BIRC6: variants seen among roughly 807,000 people sequenced by gnomAD.
BIRC6 encodes dual E2 ubiquitin-conjugating enzyme/E3 ubiquitin-protein ligase BIRC6.
BIRC6 carries 98 observed loss-of-function variants against 503.3 expected under a neutral mutation model. The observed-to-expected ratio is 0.19, with a 90% CI of 0.17 to 0.23. The LOEUF (loss-of-function observed/expected upper bound fraction) is 0.23. Ranked by LOEUF, BIRC6 falls within the 10% of genes least tolerant of loss-of-function variation. The pLI, the probability that BIRC6 is intolerant of heterozygous loss-of-function variation, is 1.00. For missense variants in BIRC6, 5,360 were observed against 5,806.0 expected, an observed-to-expected ratio of 0.92 and a Z score of 2.50; for synonymous variants, 2,240 against 2,078.7, an observed-to-expected ratio of 1.08 and a Z score of -2.11.
At chr2:32,435,784 C>T (rs1259995627) in intron 14 of BIRC6, among the ~76,000 whole-genome samples, 199 bp downstream of exon 14, 1 of 152,158 alleles carries the variant, frequency 6.6e-6, no homozygotes. Flanking sequence ...CTAATGCATT[C>T]TTGGTTTTTA....
rs201268777 is a variant in BIRC6, at chr2:32,588,362, TAAATA to T, written c.13356-5550_13356-5546del. On this transcript the variant is annotated intron_variant, in intron 66 of 73. Coordinates refer to ENST00000421745, the MANE Select transcript of BIRC6 (RefSeq NM_016252.4). ...AAGAGTGAAACTCCGTCTCAATAAA[TAAATA>T]AATAAGATTTTTCTGAAATTTTCTT... Among the ~76,000 whole-genome samples the T allele has an allele frequency of 7.5e-3, 1,146 of 152,210 alleles. 13 individuals are homozygous for T. The highest frequency in any genetic ancestry group is 0.011 in the Non-Finnish European group (750 of 68,002).
At chr2:32,593,731 T>G (rs1278019740) in intron 66 of BIRC6, among the ~76,000 whole-genome samples, 184 bp from the exon 67 acceptor site, 1 of 152,190 alleles carries the variant, frequency 6.6e-6, no homozygotes, top group Non-Finnish European at 1.5e-5. Flanking sequence ...TCTTCTCTGA[T>G]TTTATATTAG....
intron 65 of BIRC6, among the ~76,000 whole-genome samples, chr2:32,555,932 AAGGT>A (rs1328667271): frequency 1.3e-5 from 2 of 151,740 alleles, no homozygotes; most frequent in African/African-American, 4.8e-5. Flanking sequence ...AAAAAAAAAA[AAGGT>A]AGAGTAACCT....
chr2:32,568,982 C>CTTTT lies in BIRC6; in HGVS notation c.13145-6173_13145-6172insTTTT, dbSNP rs199909930. On this transcript the variant is annotated intron_variant, in intron 65 of 73. Transcript: ENST00000421745. ...TTTTGGAGGAGTCTCCCATGTCTCT[C>CTTTT]TCTTTTTTTTTTTTTTTTTGAGATG... Among the ~76,000 whole-genome samples the CTTTT allele has an allele frequency of 5.3e-5, 7 of 131,352 alleles. 3 individuals are homozygous for CTTTT. The highest frequency in any genetic ancestry group is 1.4e-4 in the African/African-American group (5 of 35,032). The allele number at this position is 131,352 out of a possible 152,430, so 86.2% of individuals were successfully genotyped here.
At chr2:32,531,050 C>G (rs1010000938) in intron 60 of BIRC6, among the ~76,000 whole-genome samples, 3 of 152,172 alleles carry the variant, frequency 2.0e-5, no homozygotes, top group African/African-American at 7.2e-5. Context: ...CTTCAGTATG[C>G]TTACAAATGA....
chr2:32,444,784 A>G (rs2045781138), intron 20 of BIRC6, among the ~76,000 whole-genome samples: 1 of 152,222 alleles, frequency 6.6e-6, no homozygotes, highest in Admixed American at 6.5e-5. Flanking sequence ...AGAGTTGTTG[A>G]AAAGTTATAT....
chr2:32,463,060 T>G, intron 23 of BIRC6, 134 bp from the exon 24 acceptor site: 1 of 636,316 alleles, frequency 1.6e-6, no homozygotes, highest in Non-Finnish European at 2.6e-6. Flanking sequence ...CTTTCCAGAT[T>G]TCTTTTTTAG....
chr2:32,436,475 C>G (rs12992095), intron 15 of BIRC6, among the ~76,000 whole-genome samples: 1 of 152,030 alleles, frequency 6.6e-6, no homozygotes, highest in Admixed American at 6.6e-5. Context: ...AGTAAGCAGA[C>G]ATAATGTTCT....
intron 8 of BIRC6, 75 bp from the exon 9 acceptor site, chr2:32,406,424 C>G (rs770323509): frequency 2.6e-4 from 306 of 1,160,052 alleles, no homozygotes; most frequent in Admixed American, 4.6e-4. Flanking sequence ...ACCAACTGTT[C>G]TTTTTTCTTT....
intron 9 of BIRC6, among the ~76,000 whole-genome samples, chr2:32,408,917 A>C (rs1369700171): frequency 6.6e-6 from 1 of 152,136 alleles, no homozygotes; most frequent in Non-Finnish European, 1.5e-5. Context: ...TTCTAAACTA[A>C]TTTTGTTATA....
intron 22 of BIRC6, among the ~76,000 whole-genome samples, chr2:32,452,228 T>C (rs2046804194): frequency 6.6e-6 from 1 of 152,190 alleles, no homozygotes; most frequent in Admixed American, 6.5e-5. Context: ...GGTAGGAGAA[T>C]CCAAGTATCC....
chr2:32,545,885 G>A (rs762533884), intron 63 of BIRC6, 25 bp downstream of exon 63: 9 of 1,585,916 alleles, frequency 5.7e-6, no homozygotes, highest in Admixed American at 1.7e-5. Context: ...AATTATTTCA[G>A]TTATTAAAAA....
At chr2:32,423,886 TGTTA>T (rs1340137248) in intron 10 of BIRC6, among the ~76,000 whole-genome samples, 1 of 152,244 alleles carries the variant, frequency 6.6e-6, no homozygotes. Context: ...ACTACCTGTC[TGTTA>T]GTCACTTAGT....
intron 52 of BIRC6, 139 bp from the exon 53 acceptor site, chr2:32,510,387 T>A: frequency 1.6e-6 from 1 of 635,092 alleles, no homozygotes; most frequent in South Asian, 2.0e-5. Flanking sequence ...CCTAGTTTCA[T>A]TATTTTTAGA....
At chr2:32,369,926 T>TTAAAAAAAA (rs1160547460) in intron 1 of BIRC6, among the ~76,000 whole-genome samples, 1 of 37,794 alleles carries the variant, frequency 2.6e-5, no homozygotes, top group African/African-American at 1.2e-4. Flanking sequence ...CCCTGTCTCT[T>TTAAAAAAAA]AAAAAAAAAA....
chr2:32,525,567 A>G lies in BIRC6; in HGVS notation c.11859A>G (p.Ala3953=), dbSNP rs1453527895. Residue 3953 remains alanine (A), a synonymous_variant, in exon 59 of 74, where the codon GCA becomes GCG. Coordinates refer to ENST00000421745, the MANE Select transcript of BIRC6 (RefSeq NM_016252.4). ...IPDKIGSTSG[A]EAANKIITVP... is the part of the protein sequence containing the mutation. Reference sequence around the variant, plus strand: ...ATAAAATAGGAAGTACTTCAGGAGCAGAGGCTGCCAACAAAATAATTACTG... The same window carrying G: ...ATAAAATAGGAAGTACTTCAGGAGCGGAGGCTGCCAACAAAATAATTACTG... The G allele has an allele frequency of 2.5e-6, 4 of 1,614,008 alleles. No homozygotes were observed. Among genetic ancestry groups the G allele is most frequent in the Admixed American group, 1.7e-5 (1 of 60,026 alleles).
intron 65 of BIRC6, among the ~76,000 whole-genome samples, chr2:32,549,753 A>G (rs2058307710): frequency 6.6e-6 from 1 of 152,218 alleles, no homozygotes; most frequent in Non-Finnish European, 1.5e-5. Flanking sequence ...GTAACTGAAA[A>G]TGATAGGACA....
At chr2:32,538,810 A>G (rs2057437346) in intron 61 of BIRC6, among the ~76,000 whole-genome samples, 1 of 152,172 alleles carries the variant, frequency 6.6e-6, no homozygotes. Context: ...CACACCTCTG[A>G]AATCCCAGCT....
intron 66 of BIRC6, among the ~76,000 whole-genome samples, chr2:32,586,407 A>G (rs956321071): frequency 6.7e-6 from 1 of 150,240 alleles, no homozygotes; most frequent in African/African-American, 2.4e-5. Context: ...TATCTCAGAC[A>G]AAATCTCAAG....
Sources: allele counts gnomAD v4.1 joint callset (sites outside exome capture counted in the v4.1 genomes callset), GRCh38; gene constraint gnomAD v4.1.1; transcripts MANE v1.5; gene names NCBI Gene and HGNC (gene_info 2026-07-23, HGNC 2026-07-21).